PPARGC1A: variants seen among roughly 807,000 people sequenced by gnomAD.
PPARGC1A encodes the protein PPARG coactivator 1 alpha, also known as peroxisome proliferator-activated receptor gamma coactivator 1-alpha.
Under a neutral mutation model 88.7 loss-of-function variants are expected in PPARGC1A, and 25 were observed. The ratio of observed to expected loss-of-function variants is 0.28; its 90% CI spans 0.21 to 0.39. The LOEUF (loss-of-function observed/expected upper bound fraction) is 0.39, where lower values mean the gene tolerates loss of function less well. Among genes scored for constraint, PPARGC1A ranks in the 10% least tolerant of loss-of-function variants. PPARGC1A has a pLI of 1.00. For synonymous variants in PPARGC1A, 363 were observed against 355.6 expected (o/e 1.02, Z -0.24); for missense variants, 880 against 968.7 (o/e 0.91, Z 1.22).
intron 2 of PPARGC1A, among the ~76,000 whole-genome samples, chr4:23,846,246 T>C (rs1489987898): frequency 6.6e-6 from 1 of 152,184 alleles, no homozygotes; most frequent in Admixed American, 6.5e-5. Context: ...ATGGAAACAC[T>C]GAATAGTAAA....
At chr4:24,152,025 A>G in the PPARGC1A span, among the ~76,000 whole-genome samples, 1 of 152,240 alleles carries the variant, frequency 6.6e-6, no homozygotes, top group South Asian at 2.1e-4. Context: ...TTTGTGGAGC[A>G]AACTAAAGAA....
At chr4:24,020,019 C>T in the PPARGC1A span, among the ~76,000 whole-genome samples, 4 of 152,166 alleles carry the variant, frequency 2.6e-5, no homozygotes, top group Non-Finnish European at 5.9e-5. Flanking sequence ...ATTTTTCCTA[C>T]CTTGCATGGC....
the PPARGC1A span, among the ~76,000 whole-genome samples, chr4:24,388,726 A>G: frequency 1.3e-5 from 2 of 152,096 alleles, no homozygotes; most frequent in African/African-American, 4.8e-5. Context: ...GGAACAGAAA[A>G]TCAAACACTG....
upstream of PPARGC1A, among the ~76,000 whole-genome samples, chr4:23,891,065 A>C (rs1281072201): frequency 6.6e-6 from 1 of 152,144 alleles, no homozygotes; most frequent in Non-Finnish European, 1.5e-5. Flanking sequence ...AGAAATATTC[A>C]ATTCCTGAGC....
At chr4:24,338,006 C>G in the PPARGC1A span, among the ~76,000 whole-genome samples, 1 of 152,128 alleles carries the variant, frequency 6.6e-6, no homozygotes, top group Non-Finnish European at 1.5e-5. Context: ...GTCTGAACTC[C>G]CCTCTTCTCT....
chr4:23,984,751 T>G, the PPARGC1A span, among the ~76,000 whole-genome samples: 2 of 152,090 alleles, frequency 1.3e-5, no homozygotes, highest in African/African-American at 2.4e-5. Flanking sequence ...TTTATCCCCA[T>G]TTTACAGATG....
chr4:23,800,873 G>C (rs1718544042), intron 12 of PPARGC1A, among the ~76,000 whole-genome samples: 1 of 151,438 alleles, frequency 6.6e-6, no homozygotes, highest in South Asian at 2.1e-4. Flanking sequence ...ACACCTCCTA[G>C]GATAGTTCTA....
chr4:24,425,870 A>T, the PPARGC1A span, among the ~76,000 whole-genome samples: 112 of 152,336 alleles, frequency 7.4e-4, no homozygotes, highest in African/African-American at 2.6e-3. Flanking sequence ...TAATTATTTG[A>T]ATCTCCACAG....
chr4:23,823,239 T>C (rs1156635884), intron 7 of PPARGC1A, among the ~76,000 whole-genome samples: 5 of 151,982 alleles, frequency 3.3e-5, no homozygotes, highest in Admixed American at 3.3e-4. Context: ...CAGACTACCA[T>C]ACCAATGTCT....
the PPARGC1A span, among the ~76,000 whole-genome samples, chr4:24,357,314 C>A: frequency 3.7e-4 from 56 of 152,348 alleles, no homozygotes; most frequent in Non-Finnish European, 4.3e-4. Flanking sequence ...AGATGACCAA[C>A]AAATGGCACA....
the PPARGC1A span, among the ~76,000 whole-genome samples, chr4:24,293,838 A>G: frequency 6.6e-6 from 1 of 151,982 alleles, no homozygotes; most frequent in African/African-American, 2.4e-5. Context: ...TCTATTTTGA[A>G]CTTAAAACCA....
At chr4:24,310,412 C>T in the PPARGC1A span, among the ~76,000 whole-genome samples, 2 of 152,052 alleles carry the variant, frequency 1.3e-5, no homozygotes, top group African/African-American at 4.8e-5. Context: ...GTATTTTGTC[C>T]AGAATATATT....
At chr4:23,984,585 A>T in the PPARGC1A span, among the ~76,000 whole-genome samples, 1 of 152,138 alleles carries the variant, frequency 6.6e-6, no homozygotes, top group African/African-American at 2.4e-5. Flanking sequence ...ATAAATTTTT[A>T]AAAATTGTCA....
the PPARGC1A span, among the ~76,000 whole-genome samples, chr4:24,050,809 C>T: frequency 1.3e-5 from 2 of 152,146 alleles, no homozygotes; most frequent in Admixed American, 6.5e-5. Context: ...GAATTGACAA[C>T]TAGTTTATTT....
the PPARGC1A span, among the ~76,000 whole-genome samples, chr4:24,325,648 G>T: frequency 6.6e-6 from 1 of 152,188 alleles, no homozygotes; most frequent in Non-Finnish European, 1.5e-5. Context: ...CTGTCTGACC[G>T]ACTCCTTCTC....
the PPARGC1A span, among the ~76,000 whole-genome samples, chr4:24,459,769 C>T: frequency 2.6e-5 from 4 of 152,206 alleles, no homozygotes; most frequent in South Asian, 2.1e-4. Context: ...CCAGCATGAG[C>T]GACAGAGCGA....
chr4:24,375,013 T>TAA, the PPARGC1A span, among the ~76,000 whole-genome samples: 22,945 of 127,178 alleles, frequency 0.18, 2,129 homozygotes, highest in Non-Finnish European at 0.2. Context: ...CCCCCCACCC[T>TAA]AAAAAAAAAA....
the PPARGC1A span, among the ~76,000 whole-genome samples, chr4:24,282,078 TGA>T: frequency 6.7e-6 from 1 of 149,886 alleles, no homozygotes; most frequent in Non-Finnish European, 1.5e-5. Context: ...TTTGAATGAA[TGA>T]AAGATTTCAT....
chr4:24,388,751 T>C, the PPARGC1A span, among the ~76,000 whole-genome samples: 55 of 151,224 alleles, frequency 3.6e-4, no homozygotes, highest in African/African-American at 1.3e-3. Flanking sequence ...TCCTCACTCA[T>C]AAGTGGGAGT....
Sources: allele counts gnomAD v4.1 joint callset (sites outside exome capture counted in the v4.1 genomes callset), GRCh38; gene constraint gnomAD v4.1.1; transcripts MANE v1.5; gene names NCBI Gene and HGNC (gene_info 2026-07-23, HGNC 2026-07-21).